ATE1: variants seen among roughly 807,000 people sequenced by gnomAD.
The protein encoded by ATE1 is arginyltransferase 1.
ATE1 carries 36 observed loss-of-function variants against 70.5 expected under a neutral mutation model. That is an observed-to-expected ratio of 0.51 (90% CI 0.39 to 0.67). The LOEUF (loss-of-function observed/expected upper bound fraction) is 0.67, where lower values mean the gene tolerates loss of function less well. ATE1 is among the 30% of genes least tolerant of loss of function. The pLI, the probability that ATE1 is intolerant of heterozygous loss-of-function variation, is 0.00. For missense variants in ATE1, 593 were observed against 629.5 expected, an observed-to-expected ratio of 0.94 and a Z score of 0.62; for synonymous variants, 232 against 219.3, an observed-to-expected ratio of 1.06 and a Z score of -0.51.
upstream of ATE1, chr10:121,928,090 C>T (rs1952180740): frequency 8.2e-7 from 1 of 1,212,224 alleles, no homozygotes; most frequent in Non-Finnish European, 1.0e-6. Context: ...GCCCGGCCGG[C>T]CCGGCGCCTC....
intron 8 of ATE1, among the ~76,000 whole-genome samples, chr10:121,863,758 C>G (rs114275866): frequency 1.3e-5 from 2 of 152,234 alleles, no homozygotes; most frequent in African/African-American, 4.8e-5. Context: ...TACAGGCACA[C>G]GCCACTACGC....
intron 11 of ATE1, among the ~76,000 whole-genome samples, chr10:121,772,533 A>T (rs769044815): frequency 1.3e-4 from 20 of 152,324 alleles, no homozygotes; most frequent in Non-Finnish European, 2.6e-4. Flanking sequence ...AAAACACCCC[A>T]GACTTATTCG....
chr10:121,912,135 C>T (rs941778808), intron 4 of ATE1, among the ~76,000 whole-genome samples: 12 of 152,042 alleles, frequency 7.9e-5, no homozygotes, highest in Non-Finnish European at 1.0e-4. Context: ...CGTGATCCGC[C>T]TGTGTTGGCC....
intron 11 of ATE1, among the ~76,000 whole-genome samples, chr10:121,760,536 G>A (rs1391743778): frequency 6.6e-6 from 1 of 152,210 alleles, no homozygotes; most frequent in Non-Finnish European, 1.5e-5. Flanking sequence ...AATAGAAGTG[G>A]AGTCTGAAGA....
At chr10:121,797,060 G>C (rs569052331) in intron 10 of ATE1, among the ~76,000 whole-genome samples, 1 of 152,278 alleles carries the variant, frequency 6.6e-6, no homozygotes, top group East Asian at 1.9e-4. Flanking sequence ...TATCTTACTG[G>C]ATAACAATGA....
chr10:121,878,037 T>C (rs1590605206), intron 7 of ATE1, among the ~76,000 whole-genome samples: 1 of 152,228 alleles, frequency 6.6e-6, no homozygotes, highest in Non-Finnish European at 1.5e-5. Context: ...CACAATGGAA[T>C]ACTACATAGC....
At chr10:121,898,861 C>T (rs150970157) in intron 7 of ATE1, 311 of 1,613,714 alleles carry the variant, frequency 1.9e-4, no homozygotes, top group Non-Finnish European at 2.5e-4. Context: ...CCACATTCAT[C>T]GGGTGGATCC....
chr10:121,790,978 ATG>A (rs1262935105), intron 10 of ATE1, among the ~76,000 whole-genome samples: 4 of 151,042 alleles, frequency 2.6e-5, no homozygotes, highest in Non-Finnish European at 5.9e-5. Context: ...GTGTACATAT[ATG>A]TGTGTATACA....
At chr10:121,847,355 G>A (rs1948867345) in intron 8 of ATE1, among the ~76,000 whole-genome samples, 1 of 152,222 alleles carries the variant, frequency 6.6e-6, no homozygotes, top group African/African-American at 2.4e-5. Context: ...GGCTGATGCA[G>A]GAGAATCGCT....
intron 7 of ATE1, among the ~76,000 whole-genome samples, chr10:121,878,828 G>A (rs1482815688): frequency 6.6e-6 from 1 of 152,002 alleles, no homozygotes; most frequent in Non-Finnish European, 1.5e-5. Flanking sequence ...ATCCAAAAAT[G>A]TTACATTATT....
At chr10:121,919,704 C>G (rs985483403) in intron 3 of ATE1, among the ~76,000 whole-genome samples, 1 of 152,024 alleles carries the variant, frequency 6.6e-6, no homozygotes, top group South Asian at 2.1e-4. Context: ...TCGAGAGTAG[C>G]GCGGCCAACA....
intron 10 of ATE1, among the ~76,000 whole-genome samples, chr10:121,834,074 C>T (rs746886595): frequency 6.6e-6 from 1 of 152,218 alleles, no homozygotes; most frequent in Non-Finnish European, 1.5e-5. Flanking sequence ...GGCAGTGCTA[C>T]ACTAGCTGTT....
intron 10 of ATE1, among the ~76,000 whole-genome samples, chr10:121,811,273 C>T (rs1947308262): frequency 6.6e-6 from 1 of 151,818 alleles, no homozygotes; most frequent in South Asian, 2.1e-4. Flanking sequence ...TGTATATAAA[C>T]AGGGAGAGAG....
At chr10:121,879,467 G>A (rs1475895879) in intron 7 of ATE1, among the ~76,000 whole-genome samples, 1 of 152,106 alleles carries the variant, frequency 6.6e-6, no homozygotes, top group African/African-American at 2.4e-5. Flanking sequence ...GTCTCCCTGA[G>A]GGCAAGAACT....
At chr10:121,864,730 A>G (rs1335350572) in intron 8 of ATE1, among the ~76,000 whole-genome samples, 4 of 151,968 alleles carry the variant, frequency 2.6e-5, no homozygotes, top group African/African-American at 9.7e-5. Flanking sequence ...CTTATTAACG[A>G]TACCTCTTTG....
chr10:121,899,937 A>G lies in ATE1; in HGVS notation c.871T>C (p.Ser291Pro). 6.2e-7 allele frequency: 1 copy of G among 1,613,904 alleles called. No homozygotes were observed. Among genetic ancestry groups the G allele is most frequent in the Non-Finnish European group, 8.5e-7 (1 of 1,179,908 alleles). The stretch of plus-strand genomic sequence containing the variant: ...TGGTAACGTTTATAGACCTGGTAAG[A>G]CTCCAGAAGTGTGGCTTTGAACTGC... The part of the protein sequence containing the change: ...SSQFKATLLE[S>P]YQVYKRYQMV... Residue 291 changes from serine (S) to proline (P), a missense_variant, in exon 7 of 12, where the codon TCT (serine) becomes CCT (proline). Physicochemically the swap from Ser to Pro is moderately conservative, Grantham distance 74. This residue lies in a region of ATE1 where 467 missense variants were observed against 469.6 expected (regional missense o/e 0.99). Transcript: ENST00000224652.
At chr10:121,813,101 C>T (rs145647316) in intron 10 of ATE1, among the ~76,000 whole-genome samples, 32 of 152,282 alleles carry the variant, frequency 2.1e-4, no homozygotes, top group African/African-American at 7.0e-4. Context: ...CATCTGCTCA[C>T]GTCAGTTTTA....
At chr10:121,785,176 G>A (rs1339482292) in intron 11 of ATE1, among the ~76,000 whole-genome samples, 5 of 151,986 alleles carry the variant, frequency 3.3e-5, no homozygotes, top group African/African-American at 1.2e-4. Flanking sequence ...TGGGTAGTTT[G>A]ACCTCAAATG....
In ATE1 at chr10:121,899,952, C is replaced by T. The variant is rs1482465889; in HGVS notation, c.856G>A (p.Ala286Thr). The T allele has an allele frequency of 1.2e-6, 2 of 1,613,934 alleles. No individual in the cohort carries two copies. The highest frequency in any genetic ancestry group is 1.7e-5 in the Admixed American group (1 of 59,998). ...ACCTGGTAAGACTCCAGAAGTGTGG[C>T]TTTGAACTGCGAACTTGGTGGAGAT... Reference protein sequence around the residue: ...RSSPPSSQFKATLLESYQVYK... With the variant: ...RSSPPSSQFKTTLLESYQVYK... The change falls in exon 7 of 12, where the codon GCC (alanine) becomes ACC (threonine). Residue 286 changes from alanine (A) to threonine (T), a missense_variant. Physicochemically the swap from Ala to Thr is moderately conservative, Grantham distance 58. This residue lies in a region of ATE1 where 467 missense variants were observed against 469.6 expected (regional missense o/e 0.99). Transcript: ENST00000224652.
Sources: allele counts gnomAD v4.1 joint callset (sites outside exome capture counted in the v4.1 genomes callset), GRCh38; gene constraint gnomAD v4.1.1; regional missense constraint gnomAD v4.1.1; transcripts MANE v1.5; gene names NCBI Gene and HGNC (gene_info 2026-07-23, HGNC 2026-07-21).